PLEKHA1: variants seen among roughly 807,000 people sequenced by gnomAD.
The protein encoded by PLEKHA1 is pleckstrin homology domain-containing family A member 1.
A neutral mutation model predicts 52.0 loss-of-function variants in PLEKHA1; 34 were observed. That is an observed-to-expected ratio of 0.65 (90% CI 0.50 to 0.87). The LOEUF is 0.87. PLEKHA1 is among the 40% of genes least tolerant of loss of function. PLEKHA1 has a pLI of 0.00. For synonymous variants in PLEKHA1, 163 were observed against 170.7 expected, an observed-to-expected ratio of 0.95 and a Z score of 0.35; for missense variants, 497 against 504.2, an observed-to-expected ratio of 0.99 and a Z score of 0.14.
intron 6 of PLEKHA1, among the ~76,000 whole-genome samples, chr10:122,415,000 T>C (rs1411090625): frequency 6.6e-6 from 1 of 152,086 alleles, no homozygotes; most frequent in African/African-American, 2.4e-5. Flanking sequence ...CATAAAAACT[T>C]GTGCATGAAT....
In PLEKHA1 at chr10:122,393,083, A is replaced by G. The variant is rs2134009311; in HGVS notation, c.-20-98A>G. The stretch of plus-strand genomic sequence containing the variant: ...TGTTCATTTTAATTGACCTTACCTA[A>G]TGTTGGCAAGTTGCCCCCTCATTGA... On this transcript the variant is annotated intron_variant, in intron 1 of 11. Transcript: ENST00000368990. This position sits in a 1 kb window ranked among gnomAD's most constrained non-coding sequence, Gnocchi z 4.5. 2.2e-6 allele frequency: 2 copies of G among 904,878 alleles called. No homozygotes were observed. The highest frequency in any genetic ancestry group is 2.6e-5 in the East Asian group (1 of 38,004). The allele number at this position is 904,878 out of a possible 1,614,324, so 56.1% of individuals were successfully genotyped here.
chr10:122,414,532 A>G (rs2097148073), intron 6 of PLEKHA1, among the ~76,000 whole-genome samples: 1 of 152,160 alleles, frequency 6.6e-6, no homozygotes, highest in Non-Finnish European at 1.5e-5. Flanking sequence ...CTGGGAGAAA[A>G]TATTTGCAAA....
At chr10:122,434,470 C>T (rs912360849), downstream of PLEKHA1, 3 of 152,062 alleles carry the variant, frequency 2.0e-5, no homozygotes, top group Non-Finnish European at 4.4e-5. Context: ...GTGTGTGTTT[C>T]GGAACTTCAT....
At position 122,432,129 on chromosome 10, in the gene PLEKHA1, A is replaced by G. The variant is rs1314272355; in HGVS notation, c.*2191A>G. 2 of 152,218 alleles carry G rather than the reference A, an allele frequency of 1.3e-5. No homozygotes were observed. Among genetic ancestry groups the G allele is most frequent in the Non-Finnish European group, 2.9e-5 (2 of 68,030 alleles). 9.4% of individuals were successfully genotyped at this position (152,218 alleles called of 1,614,324 possible). A position where few individuals can be genotyped will look rare whatever the true frequency, so the allele number is the denominator to read the frequency against. On this transcript the variant is annotated 3_prime_UTR_variant, in exon 12 of 12. Coordinates refer to ENST00000368990, the MANE Select transcript of PLEKHA1 (RefSeq NM_001001974.4). ...TCTATGGAAATTATTTAATTATTTT[A>G]AAACGTACACACTTTTCTTGTAAAT...
At position 122,429,956 on chromosome 10, in the gene PLEKHA1, C is replaced by A. The variant is rs755480994; in HGVS notation, c.*18C>A. On this transcript the variant is annotated 3_prime_UTR_variant, in exon 12 of 12. Coordinates refer to ENST00000368990, the MANE Select transcript of PLEKHA1 (RefSeq NM_001001974.4). The stretch of plus-strand genomic sequence containing the variant: ...ACGTGTGAGGCAGAAGCGCACGGAG[C>A]CTGCCTGCCTCTGCCGTCCTCAGTT... The A allele has an allele frequency of 1.3e-6, 2 of 1,588,676 alleles. No homozygotes were observed. Among genetic ancestry groups the A allele is most frequent in the Non-Finnish European group, 1.7e-6 (2 of 1,167,822 alleles).
At chr10:122,399,668 C>T (rs973447947) in intron 3 of PLEKHA1, among the ~76,000 whole-genome samples, 2 of 152,186 alleles carry the variant, frequency 1.3e-5, no homozygotes, top group East Asian at 1.9e-4. Context: ...CTGCAAGCTC[C>T]GTCCCCTGGG....
intron 4 of PLEKHA1, among the ~76,000 whole-genome samples, chr10:122,403,666 C>G (rs2096962747): frequency 6.6e-6 from 1 of 151,436 alleles, no homozygotes; most frequent in Admixed American, 6.6e-5. Context: ...ACCAATATTG[C>G]TAATACACCA....
chr10:122,394,871 G>C (rs556983950), intron 2 of PLEKHA1, among the ~76,000 whole-genome samples: 2 of 152,122 alleles, frequency 1.3e-5, no homozygotes, highest in Admixed American at 1.3e-4. Flanking sequence ...CTACATAATA[G>C]ATTCTTCTTG....
intron 8 of PLEKHA1, chr10:122,418,272 G>A: frequency 4.2e-6 from 1 of 236,778 alleles, no homozygotes; most frequent in Non-Finnish European, 8.2e-6. Context: ...CCCACGTGGA[G>A]TAGGGAGAGA....
In PLEKHA1 at chr10:122,400,386, T is replaced by C. The variant is rs764832005; in HGVS notation, c.242T>C (p.Phe81Ser). The C allele has an allele frequency of 6.2e-7, 1 of 1,606,914 alleles. No individual in the cohort carries two copies. The highest frequency in any genetic ancestry group is 1.7e-5 in the Admixed American group (1 of 58,406). The change falls in exon 4 of 12, where the codon TTT becomes TCT. Residue 81 changes from phenylalanine (F) to serine (S), a missense_variant and splice_region_variant. By Grantham distance (155) the Phe-to-Ser change is radical (BLOSUM62 -2). Coordinates refer to ENST00000368990, the MANE Select transcript of PLEKHA1 (RefSeq NM_001001974.4). Reference sequence around the variant, plus strand: ...CTAAGGCCAAAGGCGGAGTTCTGTTTTGGTAAGTAGCCATGTTATATATAT... The same window carrying C: ...CTAAGGCCAAAGGCGGAGTTCTGTTCTGGTAAGTAGCCATGTTATATATAT... ...TKLRPKAEFC[F>S]VMNAGMRKYF...
chr10:122,384,116 C>T (rs77506352), intron 1 of PLEKHA1, among the ~76,000 whole-genome samples: 7,818 of 152,088 alleles, frequency 0.051, 252 homozygotes, highest in Middle Eastern at 0.095. Flanking sequence ...TATTTAAAGG[C>T]CATTTTTATA....
chr10:122,385,169 C>T (rs1420205811), intron 1 of PLEKHA1, among the ~76,000 whole-genome samples: 1 of 152,050 alleles, frequency 6.6e-6, no homozygotes, highest in Non-Finnish European at 1.5e-5. Flanking sequence ...TACTGATCTG[C>T]ATTCCATCCC....
intron 5 of PLEKHA1, among the ~76,000 whole-genome samples, chr10:122,409,486 G>A (rs1310830469): frequency 6.6e-6 from 1 of 152,078 alleles, no homozygotes; most frequent in Non-Finnish European, 1.5e-5. Flanking sequence ...GGTGGTTTCT[G>A]TTCCCTTATT....
intron 8 of PLEKHA1, chr10:122,420,595 CTT>C (rs1479580387): frequency 6.6e-6 from 1 of 152,168 alleles, no homozygotes; most frequent in Non-Finnish European, 1.5e-5. Flanking sequence ...GTATAAAAGA[CTT>C]AAGTGCACAG....
chr10:122,376,542 T>C lies in PLEKHA1; in HGVS notation c.-21+1736T>C, dbSNP rs1291405269. On this transcript the variant is annotated intron_variant, in intron 1 of 11. Coordinates refer to ENST00000368990, the MANE Select transcript of PLEKHA1 (RefSeq NM_001001974.4). ...TATATATATATATATATAATATAAA[T>C]ATATGTGTATACACACCGCGCGGGC... 3.4e-5 allele frequency among the ~76,000 whole-genome samples: 5 copies of C among 149,018 alleles called. No individual in the cohort carries two copies. In the East Asian group the frequency reaches 5.9e-4, roughly 18 times the overall value.
intron 2 of PLEKHA1, among the ~76,000 whole-genome samples, chr10:122,395,186 A>C (rs944187060): frequency 2.0e-5 from 3 of 151,428 alleles, no homozygotes; most frequent in Non-Finnish European, 4.4e-5. Context: ...TGGCTATAGC[A>C]CTCAGCTAGG....
intron 8 of PLEKHA1, chr10:122,423,518 C>G (rs560845316): frequency 1.3e-5 from 2 of 151,474 alleles, no homozygotes; most frequent in African/African-American, 4.9e-5. Flanking sequence ...CTTAATCTCA[C>G]GCTGTCATAT....
At chr10:122,424,746 T>C in intron 9 of PLEKHA1, 150 bp from the exon 10 acceptor site, 2 of 521,402 alleles carry the variant, frequency 3.8e-6, no homozygotes, top group Non-Finnish European at 6.4e-6. Flanking sequence ...AAATCTTACA[T>C]TAAAATAAAT....
intron 3 of PLEKHA1, 150 bp from the exon 4 acceptor site, chr10:122,400,193 A>G (rs1009957092): frequency 7.6e-5 from 42 of 554,254 alleles, no homozygotes; most frequent in Non-Finnish European, 1.1e-4. Context: ...TAAATTTGCC[A>G]TCCTCTTTTA....
Sources: allele counts gnomAD v4.1 joint callset (sites outside exome capture counted in the v4.1 genomes callset), GRCh38; gene constraint gnomAD v4.1.1; non-coding constraint Gnocchi (gnomAD v3.1); transcripts MANE v1.5; gene names NCBI Gene and HGNC (gene_info 2026-07-23, HGNC 2026-07-21).